Variants in NKAIN2 observed in about 807,000 individuals in gnomAD.
NKAIN2 encodes sodium/potassium transporting ATPase interacting 2, also known as sodium/potassium-transporting ATPase subunit beta-1-interacting protein 2.
Under a neutral mutation model 32.6 loss-of-function variants are expected in NKAIN2, and 14 were observed. That is an observed-to-expected ratio of 0.43 (90% CI 0.28 to 0.67). NKAIN2 has a LOEUF of 0.67. Ranked by LOEUF, NKAIN2 falls within the 30% of genes least tolerant of loss-of-function variation. NKAIN2 has a pLI of 0.17. For missense variants in NKAIN2, 198 were observed against 258.3 expected, an observed-to-expected ratio of 0.77 and a Z score of 1.60; for synonymous variants, 80 against 87.2, an observed-to-expected ratio of 0.92 and a Z score of 0.46.
intron 3 of NKAIN2, among the ~76,000 whole-genome samples, chr6:124,620,853 C>G (rs1480936004): frequency 6.6e-6 from 1 of 152,154 alleles, no homozygotes; most frequent in Admixed American, 6.5e-5. Context: ...AGAAAACTTG[C>G]AACAATTTGC....
intron 1 of NKAIN2, among the ~76,000 whole-genome samples, chr6:123,865,264 A>G (rs1775937962): frequency 6.6e-6 from 1 of 152,026 alleles, no homozygotes; most frequent in African/African-American, 2.4e-5. Flanking sequence ...ATTTTTTTCA[A>G]AGAGATAAAT....
chr6:123,977,218 A>G (rs1280056776), intron 1 of NKAIN2, among the ~76,000 whole-genome samples: 1 of 152,106 alleles, frequency 6.6e-6, no homozygotes, highest in Non-Finnish European at 1.5e-5. Flanking sequence ...ATTAACAGTA[A>G]TATTGACTTT....
chr6:124,366,960 A>G (rs1487840723), intron 3 of NKAIN2, among the ~76,000 whole-genome samples: 1 of 152,030 alleles, frequency 6.6e-6, no homozygotes, highest in Non-Finnish European at 1.5e-5. Context: ...AAGAATTTTA[A>G]AATGCTGAAT....
At chr6:123,935,843 G>A in intron 1 of NKAIN2, among the ~76,000 whole-genome samples, 1 of 151,938 alleles carries the variant, frequency 6.6e-6, no homozygotes, top group East Asian at 1.9e-4. Context: ...AGGTTCTTTT[G>A]TGCTTTTTTC....
At chr6:123,976,825 G>A (rs1365102764) in intron 1 of NKAIN2, among the ~76,000 whole-genome samples, 1 of 152,110 alleles carries the variant, frequency 6.6e-6, no homozygotes, top group Admixed American at 6.6e-5. Flanking sequence ...GTACAAAATT[G>A]TGAACTTTTT....
At chr6:124,254,733 T>C (rs1213050676) in intron 1 of NKAIN2, among the ~76,000 whole-genome samples, 1 of 152,112 alleles carries the variant, frequency 6.6e-6, no homozygotes, top group Non-Finnish European at 1.5e-5. Flanking sequence ...TCCTTAAATA[T>C]TGAAGTACTA....
intron 1 of NKAIN2, among the ~76,000 whole-genome samples, chr6:123,846,332 G>A (rs112961462): frequency 1.3e-3 from 205 of 152,278 alleles, no homozygotes; most frequent in African/African-American, 4.2e-3. Flanking sequence ...AATAGGTTGT[G>A]CTTTTGCCTC....
intron 5 of NKAIN2, among the ~76,000 whole-genome samples, chr6:124,805,295 T>G (rs1780486940): frequency 6.6e-6 from 1 of 152,108 alleles, no homozygotes; most frequent in East Asian, 1.9e-4. Context: ...GAGACAAAAC[T>G]TCCAGAGGAA....
At chr6:124,794,543 A>C (rs1452854398) in intron 5 of NKAIN2, among the ~76,000 whole-genome samples, 1 of 152,232 alleles carries the variant, frequency 6.6e-6, no homozygotes, top group Non-Finnish European at 1.5e-5. Flanking sequence ...AAACACAAGC[A>C]GACTTCTCAA....
At chr6:123,898,300 A>AAAAT (rs1774382063) in intron 1 of NKAIN2, among the ~76,000 whole-genome samples, 1 of 152,200 alleles carries the variant, frequency 6.6e-6, no homozygotes, top group African/African-American at 2.4e-5. Flanking sequence ...GCCCATTAAA[A>AAAAT]AAATAAATTT....
intron 1 of NKAIN2, among the ~76,000 whole-genome samples, chr6:123,856,929 A>G (rs914688511): frequency 3.9e-5 from 6 of 152,336 alleles, no homozygotes; most frequent in African/African-American, 1.2e-4. Flanking sequence ...CATACAAACA[A>G]ACAACAACAT....
chr6:124,013,735 T>G (rs1469347414), intron 1 of NKAIN2, among the ~76,000 whole-genome samples: 1 of 152,118 alleles, frequency 6.6e-6, no homozygotes, highest in Non-Finnish European at 1.5e-5. Flanking sequence ...GTGGGCCCAG[T>G]TTAATCACAC....
intron 1 of NKAIN2, chr6:123,829,266 T>G (rs1257939400): frequency 6.6e-6 from 1 of 152,176 alleles, no homozygotes; most frequent in Non-Finnish European, 1.5e-5. Context: ...GATTCTCAAA[T>G]TAAAATTTTC....
intron 3 of NKAIN2, among the ~76,000 whole-genome samples, chr6:124,652,685 A>G (rs1044563594): frequency 6.6e-6 from 1 of 152,168 alleles, no homozygotes; most frequent in African/African-American, 2.4e-5. Flanking sequence ...GTTGTGTTAT[A>G]ATATGGCAGA....
chr6:124,777,947 TCACACACACA>T (rs142387344), intron 4 of NKAIN2, among the ~76,000 whole-genome samples: 38 of 146,950 alleles, frequency 2.6e-4, no homozygotes, highest in East Asian at 2.0e-4. Flanking sequence ...GAAATCACAT[TCACACACACA>T]CACACACACA....
Position 123,917,051 on chromosome 6 carries a change from C to T in NKAIN2, c.54+112797C>T, listed in dbSNP as rs1030939335. Among the ~76,000 whole-genome samples, 10 of 152,120 alleles carry T rather than the reference C, an allele frequency of 6.6e-5. No homozygotes were observed. The East Asian group carries it at 9.6e-4, about 15-fold the overall frequency. ...ACATCCTGCTGTGTGTGAAGATAGG[C>T]GCACCACCATAAATTAGAACATGTG... On this transcript the variant is annotated intron_variant, in intron 1 of 6. Coordinates refer to ENST00000368417, the MANE Select transcript of NKAIN2 (RefSeq NM_001040214.3).
At chr6:124,711,014 AG>A (rs1365469471) in intron 4 of NKAIN2, among the ~76,000 whole-genome samples, 1 of 148,026 alleles carries the variant, frequency 6.8e-6, no homozygotes, top group Non-Finnish European at 1.5e-5. Flanking sequence ...GAGCTCTTTT[AG>A]GGCAGGCCTG....
intron 3 of NKAIN2, among the ~76,000 whole-genome samples, chr6:124,460,664 C>A (rs1342863731): frequency 6.6e-6 from 1 of 151,376 alleles, no homozygotes; most frequent in East Asian, 1.9e-4. Context: ...AAAGATTTTT[C>A]TTTTATGTTC....
intron 1 of NKAIN2, among the ~76,000 whole-genome samples, chr6:124,251,253 G>A (rs529427635): frequency 1.3e-5 from 2 of 152,076 alleles, no homozygotes; most frequent in South Asian, 2.1e-4. Context: ...GCCATGTTCT[G>A]TGTTAACTTA....
Sources: allele counts gnomAD v4.1 joint callset (sites outside exome capture counted in the v4.1 genomes callset), GRCh38; gene constraint gnomAD v4.1.1; transcripts MANE v1.5; gene names NCBI Gene and HGNC (gene_info 2026-07-23, HGNC 2026-07-21).